The following CYFIP1 variants were observed in gnomAD, a reference collection of about 807,000 sequenced individuals.
The protein encoded by CYFIP1 is cytoplasmic FMR1 interacting protein 1, also known as cytoplasmic FMR1-interacting protein 1.
In CYFIP1, 58 loss-of-function variants were observed where a neutral mutation model predicts 163.5. The ratio of observed to expected loss-of-function variants is 0.35; its 90% CI spans 0.29 to 0.44. The LOEUF (loss-of-function observed/expected upper bound fraction) is 0.44, where lower values mean the gene tolerates loss of function less well. Ranked by LOEUF, CYFIP1 falls within the 20% of genes least tolerant of loss-of-function variation. The pLI is 1.00. For missense variants in CYFIP1, 1,338 were observed against 1,653.8 expected, an observed-to-expected ratio of 0.81 and a Z score of 3.31; for synonymous variants, 663 against 660.7, an observed-to-expected ratio of 1.00 and a Z score of -0.05.
chr15:22,909,575 A>C (rs1369306992), intron 20 of CYFIP1, among the ~76,000 whole-genome samples: 1 of 152,184 alleles, frequency 6.6e-6, no homozygotes, highest in African/African-American at 2.4e-5. Flanking sequence ...AACTACATAA[A>C]AATATGACAA....
At chr15:22,939,079 C>CA in intron 8 of CYFIP1, 113 bp downstream of exon 8, 1 of 1,355,720 alleles carries the variant, frequency 7.4e-7, no homozygotes, top group Non-Finnish European at 1.0e-6. Flanking sequence ...TCACACATGA[C>CA]AGCATGCAAA....
intron 23 of CYFIP1, among the ~76,000 whole-genome samples, chr15:22,889,312 C>A (rs1409767200): frequency 6.6e-6 from 1 of 152,236 alleles, no homozygotes; most frequent in Non-Finnish European, 1.5e-5. Context: ...GCACACAGGG[C>A]AGCAGGGTGC....
In CYFIP1 at chr15:22,917,374, G is replaced by A; in HGVS notation, c.1674+414C>T. On this transcript the variant is annotated intron_variant, in intron 15 of 30. Transcript: ENST00000617928. The surrounding 1 kb of genome is among the most constrained non-coding windows in gnomAD (Gnocchi z 4.2). ...GAACACACCAGGAGAGAGGACAGTGGGCAGCTTAGGACCATGACACACGCA... is the reference window on the plus strand; with the variant it reads ...GAACACACCAGGAGAGAGGACAGTGAGCAGCTTAGGACCATGACACACGCA... The A allele has an allele frequency of 9.2e-7, 1 of 1,087,998 alleles. No individual in the cohort carries two copies. The allele number at this position is 1,087,998 out of a possible 1,614,324, so 67.4% of individuals were successfully genotyped here. A position where few individuals can be genotyped will look rare whatever the true frequency, so the allele number is the denominator to read the frequency against.
intron 1 of CYFIP1, among the ~76,000 whole-genome samples, chr15:22,973,227 T>C (rs911719965): frequency 1.4e-5 from 2 of 147,452 alleles, no homozygotes; most frequent in Non-Finnish European, 3.0e-5. Flanking sequence ...GGTGGGAGAA[T>C]TGCTTAAGCC....
At chr15:22,888,281 G>A (rs1325736766) in intron 23 of CYFIP1, among the ~76,000 whole-genome samples, 1 of 152,188 alleles carries the variant, frequency 6.6e-6, no homozygotes, top group Non-Finnish European at 1.5e-5. Flanking sequence ...AGAAGCAAGT[G>A]CACGTGGCAT....
chr15:22,945,875 G>A (rs930073243), intron 3 of CYFIP1, among the ~76,000 whole-genome samples: 3 of 152,090 alleles, frequency 2.0e-5, no homozygotes, highest in East Asian at 1.9e-4. Context: ...GGGCCACTGC[G>A]CCCAGCCTAC....
At chr15:22,966,186 TA>T (rs554142641) in intron 1 of CYFIP1, among the ~76,000 whole-genome samples, 64 of 145,014 alleles carry the variant, frequency 4.4e-4, no homozygotes, top group Admixed American at 1.1e-3. Flanking sequence ...CCGTCTCTAC[TA>T]AAAAAAAAAA....
chr15:22,885,906 C>T (rs1201139698), intron 23 of CYFIP1, among the ~76,000 whole-genome samples: 1 of 152,144 alleles, frequency 6.6e-6, no homozygotes, highest in African/African-American at 2.4e-5. Context: ...CTCCACTCTA[C>T]CAGTACCAAT....
At chr15:22,900,110 A>G (rs58079895) in intron 22 of CYFIP1, among the ~76,000 whole-genome samples, 1 of 152,128 alleles carries the variant, frequency 6.6e-6, no homozygotes, top group Non-Finnish European at 1.5e-5. Flanking sequence ...GAGGGTCACC[A>G]CATATGTGTC....
intron 1 of CYFIP1, among the ~76,000 whole-genome samples, chr15:22,974,975 C>T (rs2063216931): frequency 6.6e-6 from 1 of 151,996 alleles, no homozygotes; most frequent in Non-Finnish European, 1.5e-5. Context: ...CCACTTCCTC[C>T]TCCTTGGCCT....
At chr15:22,963,174 T>C (rs991493815) in intron 1 of CYFIP1, among the ~76,000 whole-genome samples, 3 of 152,178 alleles carry the variant, frequency 2.0e-5, no homozygotes, top group African/African-American at 7.2e-5. Flanking sequence ...CCTATTTTTA[T>C]TTTTGCAATG....
At chr15:22,930,410 A>AAAAAC (rs2061503544) in intron 11 of CYFIP1, among the ~76,000 whole-genome samples, 2 of 148,242 alleles carry the variant, frequency 1.3e-5, no homozygotes, top group East Asian at 3.9e-4. Context: ...AAAAAAAAAA[A>AAAAAC]AACTGTACTC....
At position 22,879,051 on chromosome 15, in the gene CYFIP1, G is replaced by A. The variant is rs138044827; in HGVS notation, c.3042+862C>T. 6.5e-3 allele frequency among the ~76,000 whole-genome samples: 988 copies of A among 152,114 alleles called. 5 individuals carry two copies. Among genetic ancestry groups the A allele is most frequent in the Non-Finnish European group, 0.012 (799 of 68,006 alleles). The stretch of plus-strand genomic sequence containing the variant: ...CTTCTGAGGCGGAGGCAGGAGAATG[G>A]CGTGAACCCGGGAGGCGGAGCTTGC... On this transcript the variant is annotated intron_variant, in intron 26 of 30. Coordinates refer to ENST00000617928, the MANE Select transcript of CYFIP1 (RefSeq NM_014608.6).
chr15:22,933,666 C>T (rs910072041), intron 10 of CYFIP1, 136 bp downstream of exon 10: 2 of 657,390 alleles, frequency 3.0e-6, no homozygotes, highest in African/African-American at 3.7e-5. Context: ...GTGGCAAAGG[C>T]TGCAATACTG....
chr15:22,907,719 A>C (rs1356086678), intron 21 of CYFIP1, among the ~76,000 whole-genome samples: 1 of 152,210 alleles, frequency 6.6e-6, no homozygotes, highest in Non-Finnish European at 1.5e-5. Flanking sequence ...TAAAGATTCA[A>C]AGGCACCACA....
chr15:22,955,711 C>A (rs540813672), intron 1 of CYFIP1, among the ~76,000 whole-genome samples: 2 of 152,144 alleles, frequency 1.3e-5, no homozygotes, highest in Non-Finnish European at 2.9e-5. Flanking sequence ...ATGTGGCCAG[C>A]CCTCGCCACA....
intron 26 of CYFIP1, among the ~76,000 whole-genome samples, chr15:22,878,773 C>T (rs2059660131): frequency 1.3e-5 from 2 of 150,590 alleles, no homozygotes; most frequent in Admixed American, 6.6e-5. Context: ...AAAAGGTAAG[C>T]CACAAATGGG....
rs188862114 is a variant in CYFIP1 at position 22,937,287 on chromosome 15, A to G, written c.796-79T>C. 8.1e-4 allele frequency: 668 copies of G among 821,444 alleles called. 5 individuals carry two copies. In the African/African-American group the frequency reaches 0.011, roughly 13 times the overall value. The allele number at this position is 821,444 out of a possible 1,614,324, so 50.9% of individuals were successfully genotyped here. ...TACCCATAAGGACTTACACTGTTAC[A>G]GCTGATGACTTTGAAGGCACAATTT... On this transcript the variant is annotated intron_variant, in intron 8 of 30. Coordinates refer to ENST00000617928, the MANE Select transcript of CYFIP1 (RefSeq NM_014608.6).
intron 26 of CYFIP1, among the ~76,000 whole-genome samples, chr15:22,876,305 G>A (rs1186865204): frequency 3.9e-5 from 6 of 151,920 alleles, no homozygotes; most frequent in Non-Finnish European, 7.4e-5. Flanking sequence ...GCCAGACGCC[G>A]GCCAGACACC....
Sources: gnomAD v4.1 joint callset for allele counts (sites outside exome capture counted in the v4.1 genomes callset) on GRCh38, gnomAD v4.1.1 for gene constraint, Gnocchi (gnomAD v3.1) non-coding constraint, MANE v1.5 for transcripts, NCBI Gene and HGNC (gene_info 2026-07-23, HGNC 2026-07-21) for gene names.